Variants in PRKAG2 observed in about 807,000 individuals in gnomAD.
PRKAG2 encodes the protein protein kinase AMP-activated non-catalytic subunit gamma 2, also known as 5'-AMP-activated protein kinase subunit gamma-2.
A neutral mutation model predicts 69.6 loss-of-function variants in PRKAG2; 26 were observed. The observed-to-expected ratio is 0.37, with a 90% CI of 0.27 to 0.52. PRKAG2 has a LOEUF of 0.52. PRKAG2 is among the 20% of genes least tolerant of loss of function. The pLI is 0.90. For missense variants in PRKAG2, 557 were observed against 740.0 expected (o/e 0.75, Z 2.87); for synonymous variants, 293 against 285.0 (o/e 1.03, Z -0.28).
At chr7:151,839,716 G>A (rs2079231592) in intron 1 of PRKAG2, among the ~76,000 whole-genome samples, 1 of 152,222 alleles carries the variant, frequency 6.6e-6, no homozygotes, top group Non-Finnish European at 1.5e-5. Flanking sequence ...GGTGCTCCAG[G>A]CTCTAGCTCT....
At chr7:151,562,244 CAAAAAAA>C (rs575674668) in intron 14 of PRKAG2, among the ~76,000 whole-genome samples, 721 of 38,454 alleles carry the variant, frequency 0.019, 16 homozygotes, top group African/African-American at 0.038. Flanking sequence ...GACTTTGTCT[CAAAAAAA>C]AAAAAAAAAA....
At chr7:151,584,093 C>A (rs1378427638) in intron 6 of PRKAG2, among the ~76,000 whole-genome samples, 1 of 152,222 alleles carries the variant, frequency 6.6e-6, no homozygotes, top group South Asian at 2.1e-4. Context: ...CTTCTCCGTC[C>A]AGGCCCAGGC....
At chr7:151,738,921 G>A (rs928192427) in intron 3 of PRKAG2, among the ~76,000 whole-genome samples, 1 of 152,156 alleles carries the variant, frequency 6.6e-6, no homozygotes, top group African/African-American at 2.4e-5. Context: ...ATGGCTCCAG[G>A]CTAGGGCAAC....
At position 151,604,022 on chromosome 7, in the gene PRKAG2, T is replaced by C. The variant is rs115664655; in HGVS notation, c.755-8568A>G. On this transcript the variant is annotated intron_variant, in intron 5 of 15. Transcript: ENST00000287878. Reference sequence around the variant, plus strand: ...AGCCAGTCAGGCACCCACCTGTGGCTGATGGACTGGTGGGTGGCTTGTGGA... The same window carrying C: ...AGCCAGTCAGGCACCCACCTGTGGCCGATGGACTGGTGGGTGGCTTGTGGA... Among the ~76,000 whole-genome samples, 516 of 152,300 alleles carry C rather than the reference T, an allele frequency of 3.4e-3. 2 individuals are homozygous for C. Among genetic ancestry groups the C allele is most frequent in the African/African-American group, 0.012 (491 of 41,572 alleles).
At chr7:151,759,036 A>C (rs533479591) in intron 3 of PRKAG2, among the ~76,000 whole-genome samples, 9 of 152,220 alleles carry the variant, frequency 5.9e-5, no homozygotes, top group African/African-American at 2.2e-4. Context: ...TCCGATCGAC[A>C]TCCGATGGCT....
At chr7:151,847,818 G>C (rs192676636) in intron 1 of PRKAG2, among the ~76,000 whole-genome samples, 1 of 152,242 alleles carries the variant, frequency 6.6e-6, no homozygotes, top group Admixed American at 6.5e-5. Context: ...TGAGGTTGGC[G>C]CCCGGAAGCA....
intron 4 of PRKAG2, among the ~76,000 whole-genome samples, chr7:151,639,659 A>G (rs933160323): frequency 1.3e-5 from 2 of 152,208 alleles, no homozygotes; most frequent in African/African-American, 4.8e-5. Flanking sequence ...CTGCCTTGAC[A>G]CTGGGACTTA....
chr7:151,595,461 GA>G lies in PRKAG2; in HGVS notation c.755-8del. Reference sequence around the variant, plus strand: ...CTTTCTGAGTCTTCTACTGCTAAAAGAAAAAAAGGCAAAACATCAGTAATAA... The same window carrying G: ...CTTTCTGAGTCTTCTACTGCTAAAAGAAAAAAGGCAAAACATCAGTAATAA... On this transcript the variant is annotated splice_polypyrimidine_tract_variant and splice_region_variant and intron_variant, in intron 5 of 15. Coordinates refer to ENST00000287878, the MANE Select transcript of PRKAG2 (RefSeq NM_016203.4). 3.8e-6 allele frequency: 6 copies of G among 1,593,906 alleles called. No individual in the cohort carries two copies. The highest frequency in any genetic ancestry group is 4.3e-6 in the Non-Finnish European group (5 of 1,162,342).
At chr7:151,693,645 CT>C (rs35907177) in intron 3 of PRKAG2, among the ~76,000 whole-genome samples, 24,017 of 152,208 alleles carry the variant, frequency 0.16, 1,999 homozygotes, top group Middle Eastern at 0.25. Context: ...CTGCCAAGTC[CT>C]TATGTTGAAT....
chr7:151,851,302 G>T (rs1380726388), intron 1 of PRKAG2, among the ~76,000 whole-genome samples: 3 of 151,040 alleles, frequency 2.0e-5, no homozygotes, highest in East Asian at 3.9e-4. Context: ...CTAAGAACGG[G>T]TTTTCCCAGT....
At chr7:151,808,594 G>T (rs1385648805) in intron 1 of PRKAG2, among the ~76,000 whole-genome samples, 2 of 152,210 alleles carry the variant, frequency 1.3e-5, no homozygotes, top group East Asian at 1.9e-4. Context: ...CAGGTTGTTG[G>T]GGGGGCTTGA....
chr7:151,573,100 G>C (rs979159133), intron 8 of PRKAG2, among the ~76,000 whole-genome samples: 1 of 151,426 alleles, frequency 6.6e-6, no homozygotes, highest in Non-Finnish European at 1.5e-5. Context: ...GCAACAGAGT[G>C]AGACTCTGTC....
At chr7:151,823,464 T>C (rs13225852) in intron 1 of PRKAG2, among the ~76,000 whole-genome samples, 21,723 of 139,624 alleles carry the variant, frequency 0.16, 2,102 homozygotes, top group South Asian at 0.21. Flanking sequence ...CATTTGTGAG[T>C]GGTCACATGG....
At chr7:151,695,572 C>G (rs539248880) in intron 3 of PRKAG2, among the ~76,000 whole-genome samples, 2 of 152,134 alleles carry the variant, frequency 1.3e-5, no homozygotes, top group Non-Finnish European at 2.9e-5. Flanking sequence ...CCATCCCTGC[C>G]CTCTTTCAAC....
In PRKAG2 at chr7:151,709,696, AACACTG is replaced by A. The variant is rs199863212; in HGVS notation, c.467-34065_467-34060del. On this transcript the variant is annotated intron_variant, in intron 3 of 15. Coordinates refer to ENST00000287878, the MANE Select transcript of PRKAG2 (RefSeq NM_016203.4). ...ATGTGACATTGTGTGACACACACAT[AACACTG>A]ACACTGACAAGTGACATTGCGTGAC... Among the ~76,000 whole-genome samples, 228 of 152,286 alleles carry A rather than the reference AACACTG, an allele frequency of 1.5e-3. 2 individuals carry two copies. The East Asian group carries it at 0.039, about 26-fold the overall frequency.
At chr7:151,844,889 T>C in intron 1 of PRKAG2, among the ~76,000 whole-genome samples, 1 of 151,140 alleles carries the variant, frequency 6.6e-6, no homozygotes, top group East Asian at 1.9e-4. Flanking sequence ...CCTCTTGGGC[T>C]AGACCGCCTG....
intron 2 of PRKAG2, among the ~76,000 whole-genome samples, chr7:151,785,876 T>C (rs1425467677): frequency 6.6e-6 from 1 of 151,900 alleles, no homozygotes; most frequent in Non-Finnish European, 1.5e-5. Flanking sequence ...CCCACACTCT[T>C]TCTGGCCACC....
At chr7:151,854,342 T>A (rs1464133604) in intron 1 of PRKAG2, among the ~76,000 whole-genome samples, 1 of 152,150 alleles carries the variant, frequency 6.6e-6, no homozygotes, top group Non-Finnish European at 1.5e-5. Flanking sequence ...TGTGCACACA[T>A]AACCCTTCTG....
At chr7:151,688,701 G>A (rs982292281) in intron 3 of PRKAG2, among the ~76,000 whole-genome samples, 1 of 152,184 alleles carries the variant, frequency 6.6e-6, no homozygotes, top group Non-Finnish European at 1.5e-5. Flanking sequence ...TAGCTCTTGA[G>A]GAAACTTCCT....
Sources: allele counts gnomAD v4.1 joint callset (sites outside exome capture counted in the v4.1 genomes callset), GRCh38; gene constraint gnomAD v4.1.1; transcripts MANE v1.5; gene names NCBI Gene and HGNC (gene_info 2026-07-23, HGNC 2026-07-21).